The following ZNF185 variants were observed in gnomAD, a reference collection of about 807,000 sequenced individuals.
ZNF185 encodes the protein zinc finger protein 185.
Under a neutral mutation model 58.6 loss-of-function variants are expected in ZNF185, and 56 were observed. The ratio of observed to expected loss-of-function variants is 0.95; its 90% CI spans 0.77 to 1.19. ZNF185 has a LOEUF of 1.19. Ranked by LOEUF, ZNF185 falls within the 50% of genes most tolerant of loss-of-function variation. The pLI is 0.00. For synonymous variants in ZNF185, 230 were observed against 215.9 expected (o/e 1.07, Z -0.57); for missense variants, 627 against 573.5 (o/e 1.09, Z -0.95).
chrX:152,917,790 G>A, intron 5 of ZNF185: 20 of 1,043,172 alleles, frequency 1.9e-5, no homozygotes, highest in Non-Finnish European at 2.5e-5. Flanking sequence ...GCATTGCCTG[G>A]GACTCCGTCA....
the ZNF185 span, among the ~76,000 whole-genome samples, chrX:152,902,220 T>C: frequency 8.9e-6 from 1 of 112,916 alleles, no homozygotes; most frequent in African/African-American, 3.2e-5. Context: ...CTGGGGCCAG[T>C]GGGCAAGCCC....
intron 14 of ZNF185, among the ~76,000 whole-genome samples, chrX:152,937,364 G>A (rs909645900): frequency 1.8e-5 from 2 of 111,793 alleles, no homozygotes; most frequent in East Asian, 2.8e-4. Flanking sequence ...TGCTTAGTCC[G>A]GTGGCCCCTA....
chrX:152,939,380 T>C (rs977303000), intron 15 of ZNF185, among the ~76,000 whole-genome samples: 12 of 111,785 alleles, frequency 1.1e-4, no homozygotes, highest in African/African-American at 3.9e-4. Context: ...GTGAGATGGG[T>C]AAGGTGGGAA....
intron 15 of ZNF185, among the ~76,000 whole-genome samples, chrX:152,938,922 C>G (rs1435610360): frequency 1.0e-5 from 1 of 96,936 alleles, no homozygotes; most frequent in Non-Finnish European, 2.2e-5. Context: ...GGAGAAGGAG[C>G]CAACTCTAGA....
chrX:152,918,214 T>G, intron 6 of ZNF185, 60 bp downstream of exon 7: 1 of 1,134,500 alleles, frequency 8.8e-7, no homozygotes, highest in Non-Finnish European at 1.2e-6. Flanking sequence ...GTCCAAACTC[T>G]GGGTCCACTG....
rs148769354 is a variant in ZNF185, at chrX:152,941,521, G to A, written c.1211+3358G>A. 60 of 397,443 alleles carry A rather than the reference G, an allele frequency of 1.5e-4. No individual in the cohort carries two copies. In the African/African-American group the frequency reaches 1.6e-3, roughly 11 times the overall value. The allele number at this position is 397,443 out of a possible 1,213,427, so 32.8% of individuals were successfully genotyped here. A position where few individuals can be genotyped will look rare whatever the true frequency, so the allele number is the denominator to read the frequency against. On this transcript the variant is annotated intron_variant, in intron 15 of 22. Transcript: ENST00000449285. ...ACCCCTCACCTTCCCCGAAATCTGGGTAGCGGGCACAGGACGTGTGCGCCT... is the reference window on the plus strand; with the variant it reads ...ACCCCTCACCTTCCCCGAAATCTGGATAGCGGGCACAGGACGTGTGCGCCT...
chrX:152,922,248 C>A, exon 10 of ZNF185: 1 of 1,180,738 alleles, frequency 8.5e-7, no homozygotes, highest in Admixed American at 2.4e-5. Flanking sequence ...CCACTCCTGG[C>A]TCAAACAGGT....
upstream of ZNF185, among the ~76,000 whole-genome samples, chrX:152,914,173 C>T (rs782012569): frequency 1.8e-4 from 20 of 111,907 alleles, no homozygotes; most frequent in Admixed American, 1.7e-3. Context: ...TATCAGTGAT[C>T]GCTTTGAACA....
chrX:152,938,885 G>GTT (rs1556885635), intron 15 of ZNF185, among the ~76,000 whole-genome samples: 2 of 91,329 alleles, frequency 2.2e-5, no homozygotes, highest in Non-Finnish European at 4.1e-5. Flanking sequence ...GGGTGGAAAA[G>GTT]GCAACTCAGG....
intron 12 of ZNF185, among the ~76,000 whole-genome samples, chrX:152,930,689 C>T (rs6526144): frequency 0.41 from 45,409 of 109,775 alleles, 6,839 homozygotes; most frequent in East Asian, 0.51. Context: ...TGGTGGAGCA[C>T]GCCAAAGGGA....
intron 16 of ZNF185, among the ~76,000 whole-genome samples, chrX:152,952,291 GGTTA>G (rs2048370380): frequency 8.9e-6 from 1 of 112,028 alleles, no homozygotes; most frequent in Non-Finnish European, 1.9e-5. Context: ...AAAGCATTTG[GGTTA>G]GTTTTTATAA....
chrX:152,945,459 C>T, exon 16 of ZNF185: 2 of 1,199,037 alleles, frequency 1.7e-6, no homozygotes, highest in Non-Finnish European at 2.3e-6. Context: ...AGAGTTGTGG[C>T]AGCAGGTAAG....
intron 12 of ZNF185, among the ~76,000 whole-genome samples, chrX:152,929,911 C>T (rs1474119606): frequency 1.8e-5 from 2 of 112,481 alleles, no homozygotes; most frequent in Admixed American, 1.9e-4. Context: ...CCTGAGATGC[C>T]CTTTCCCCTC....
At chrX:152,940,589 G>A (rs781954875) in intron 15 of ZNF185, among the ~76,000 whole-genome samples, 1 of 111,292 alleles carries the variant, frequency 9.0e-6, no homozygotes, top group South Asian at 3.8e-4. Flanking sequence ...TATAGGTGAA[G>A]TCTCATAAGT....
rs1401162178 is a variant in ZNF185 at position 152,945,153 on chromosome X, C to T, written c.1212-114C>T. ...GCCTGGCTCCTTTCTGCCCCGCTTT[C>T]AGGGATATGAGTCCCTCCAAGTCCA... On this transcript the variant is annotated intron_variant, in intron 15 of 22. Coordinates refer to ENST00000449285, the Ensembl canonical transcript of ZNF185. 13 of 848,964 alleles carry T rather than the reference C, an allele frequency of 1.5e-5. No individual in the cohort carries two copies. The East Asian group carries it at 4.5e-4, about 29-fold the overall frequency. The allele number at this position is 848,964 out of a possible 1,213,427, so 70.0% of individuals were successfully genotyped here.
chrX:152,966,864 C>T (rs1556915026), intron 19 of ZNF185, among the ~76,000 whole-genome samples: 1 of 110,894 alleles, frequency 9.0e-6, no homozygotes, highest in African/African-American at 3.3e-5. Flanking sequence ...TGAGTGGGCT[C>T]CTGGTGACTG....
chrX:152,912,097 G>A (rs782176144), upstream of ZNF185, among the ~76,000 whole-genome samples: 7 of 103,335 alleles, frequency 6.8e-5, no homozygotes, highest in South Asian at 3.1e-3. Flanking sequence ...ACACTTCATC[G>A]TGTGGAAAGA....
chrX:152,945,254 T>TA lies in ZNF185; in HGVS notation c.1212-12dup, dbSNP rs111478514. ...AGAGCACTTTTTTCATAAGGGTGCT[T>TA]ATTCTTCTTCAGGGCCTTGGCTGAT... is the stretch of plus-strand genomic sequence containing the variant. On this transcript the variant is annotated splice_polypyrimidine_tract_variant and intron_variant, in intron 15 of 22. Coordinates refer to ENST00000449285, the Ensembl canonical transcript of ZNF185. 3,484 of 1,198,954 alleles carry TA rather than the reference T, an allele frequency of 2.9e-3. 70 individuals are homozygous for TA. The African/African-American group carries it at 0.055, about 19-fold the overall frequency.
the ZNF185 span, among the ~76,000 whole-genome samples, chrX:152,903,423 A>G: frequency 6.4e-4 from 64 of 99,531 alleles, no homozygotes; most frequent in African/African-American, 1.7e-3. Flanking sequence ...AAAGAAAAGG[A>G]AAAAAAAGAA....
Sources: allele counts gnomAD v4.1 joint callset (sites outside exome capture counted in the v4.1 genomes callset), GRCh38; gene constraint gnomAD v4.1.1; transcripts MANE v1.5; gene names NCBI Gene and HGNC (gene_info 2026-07-23, HGNC 2026-07-21).